The following SLC24A1 variants were observed in gnomAD, a reference collection of about 807,000 sequenced individuals.
SLC24A1 encodes the protein sodium/potassium/calcium exchanger 1.
SLC24A1 carries 52 observed loss-of-function variants against 88.1 expected under a neutral mutation model. That is an observed-to-expected ratio of 0.59 (90% CI 0.47 to 0.74). The LOEUF is 0.74. SLC24A1 is among the 30% of genes least tolerant of loss of function. The pLI is 0.00. For missense variants in SLC24A1, 1,173 were observed against 1,363.3 expected, an observed-to-expected ratio of 0.86 and a Z score of 2.20; for synonymous variants, 455 against 498.0, an observed-to-expected ratio of 0.91 and a Z score of 1.15.
chr15:65,660,222 T>G (rs141094852), downstream of SLC24A1: 154 of 1,371,526 alleles, frequency 1.1e-4, no homozygotes, highest in African/African-American at 2.1e-3. Context: ...AGTAAGCAAG[T>G]TCAGCCCCAA....
At position 65,650,563 on chromosome 15, in the gene SLC24A1, A is replaced by G; in HGVS notation, c.2414A>G (p.Asp805Gly). Reference protein sequence around the residue: ...EDENEAEGKGDNEGEDEGEIH... With the variant: ...EDENEAEGKGGNEGEDEGEIH... ...GAAAATGAAGCAGAAGGAAAAGGAG[A>G]CAATGAAGGTGAAGATGAGGGTGAA... The change falls in exon 7 of 10, where the codon GAC becomes GGC. Residue 805 changes from aspartate to glycine, a missense_variant. Coordinates refer to ENST00000261892, the MANE Select transcript of SLC24A1 (RefSeq NM_004727.3). This position sits in a 1 kb window ranked among gnomAD's most constrained non-coding sequence, Gnocchi z 4.1. 1 of 1,551,914 alleles carries G rather than the reference A, an allele frequency of 6.4e-7. No homozygotes were observed. Among genetic ancestry groups the G allele is most frequent in the Non-Finnish European group, 8.7e-7 (1 of 1,147,020 alleles).
intron 2 of SLC24A1, among the ~76,000 whole-genome samples, chr15:65,635,886 C>T: frequency 6.6e-6 from 1 of 152,164 alleles, no homozygotes; most frequent in East Asian, 1.9e-4. Context: ...GAATCCATGT[C>T]CTAAGCATCT....
chr15:65,622,112 A>G lies in SLC24A1; in HGVS notation c.-127+20A>G, dbSNP rs902845041. 6.6e-6 allele frequency: 1 copy of G among 152,244 alleles called. No individual in the cohort carries two copies. The highest frequency in any genetic ancestry group is 2.4e-5 in the African/African-American group (1 of 41,448). 9.4% of individuals were successfully genotyped at this position (152,244 alleles called of 1,614,324 possible). ...CTGAAGGTAAATGATGTAATTAGGT[A>G]GGAGGGATCAGCTGGGGTGCCAGTT... On this transcript the variant is annotated intron_variant, in intron 1 of 9. Transcript: ENST00000261892.
intron 1 of SLC24A1, chr15:65,612,293 G>C (rs989653277): frequency 7.9e-5 from 12 of 152,314 alleles, no homozygotes; most frequent in Admixed American, 7.9e-4. Context: ...GTTACAAAGT[G>C]AGTACAGAAA....
chr15:65,647,508 C>T (rs62014374), intron 6 of SLC24A1, among the ~76,000 whole-genome samples: 2 of 145,156 alleles, frequency 1.4e-5, no homozygotes, highest in African/African-American at 5.1e-5. Flanking sequence ...AAGAGAGAGA[C>T]AGAGAGAGAA....
chr15:65,628,903 C>G (rs902986308), intron 2 of SLC24A1, among the ~76,000 whole-genome samples: 1 of 152,184 alleles, frequency 6.6e-6, no homozygotes, highest in East Asian at 1.9e-4. Context: ...TCAAACAGGA[C>G]TTAGGTTGCT....
Position 65,635,476 on chromosome 15 carries a change from A to AG in SLC24A1, c.1891-2652_1891-2651insG, listed in dbSNP as rs1184471183. ...AAAAAAAAAAAAAAAAAAAAGAAAA[A>AG]AAAAGAAAGAACTCTTTGGGTGAGG... is the stretch of plus-strand genomic sequence containing the variant. On this transcript the variant is annotated intron_variant, in intron 2 of 9. Transcript: ENST00000261892. Among the ~76,000 whole-genome samples, 486 of 148,778 alleles carry AG rather than the reference A, an allele frequency of 3.3e-3. 3 individuals are homozygous for AG. The highest frequency in any genetic ancestry group is 3.8e-3 in the South Asian group (18 of 4,692).
chr15:65,639,868 G>T (rs1229203718), intron 4 of SLC24A1, among the ~76,000 whole-genome samples, 165 bp downstream of exon 4: 1 of 152,200 alleles, frequency 6.6e-6, no homozygotes, highest in Non-Finnish European at 1.5e-5. Context: ...GGGAAAGAGG[G>T]TAGAGACCAA....
Position 65,639,600 on chromosome 15 carries a change from G to A in SLC24A1, c.1950G>A (p.Pro650=), listed in dbSNP as rs200294071. Residue 650 remains proline, a synonymous_variant, in exon 4 of 10, where the codon CCG becomes CCA. Coordinates refer to ENST00000261892, the MANE Select transcript of SLC24A1 (RefSeq NM_004727.3). ...ELQDNKKLKL[P]SLLTRGSSST... is the part of the protein sequence containing the mutation. The stretch of plus-strand genomic sequence containing the variant: ...GCGGCTCTCCTCTTGCTCAGCTCCC[G>A]TCCTTGCTGACCCGAGGGAGCAGCT... 60 of 1,606,660 alleles carry A rather than the reference G, an allele frequency of 3.7e-5. No individual in the cohort carries two copies. The highest frequency in any genetic ancestry group is 1.4e-4 in the Admixed American group (8 of 59,130).
At chr15:65,621,758 C>T (rs1270678097), upstream of SLC24A1, among the ~76,000 whole-genome samples, 1 of 152,222 alleles carries the variant, frequency 6.6e-6, no homozygotes, top group Admixed American at 6.5e-5. Flanking sequence ...GAAATCTCCC[C>T]AGTTCCTCCA....
intron 4 of SLC24A1, among the ~76,000 whole-genome samples, chr15:65,640,697 G>C (rs868572590): frequency 6.6e-6 from 1 of 152,092 alleles, no homozygotes; most frequent in Non-Finnish European, 1.5e-5. Flanking sequence ...ACAAATTTTC[G>C]GGGCTCAGAA....
intron 2 of SLC24A1, among the ~76,000 whole-genome samples, chr15:65,636,210 T>C (rs763818546): frequency 2.0e-5 from 3 of 152,146 alleles, no homozygotes; most frequent in Non-Finnish European, 4.4e-5. Context: ...ATCCCATCAC[T>C]TTGTGGAGGT....
At chr15:65,626,377 G>T (rs1171236163) in intron 2 of SLC24A1, among the ~76,000 whole-genome samples, 1 of 152,176 alleles carries the variant, frequency 6.6e-6, no homozygotes, top group Non-Finnish European at 1.5e-5. Flanking sequence ...GCCAGGCGAG[G>T]AAAAATGATC....
chr15:65,621,968 A>G lies in SLC24A1; in HGVS notation c.-251A>G, dbSNP rs944152099. ...CGACCCTGCCTTGAATTAGGATTCCATAGGAGAGCTGGGGGCAGGAGAATG... is the reference window on the plus strand; with the variant it reads ...CGACCCTGCCTTGAATTAGGATTCCGTAGGAGAGCTGGGGGCAGGAGAATG... On this transcript the variant is annotated 5_prime_UTR_variant, in exon 1 of 10. Transcript: ENST00000261892. The G allele has an allele frequency of 2.0e-5, 3 of 152,260 alleles. No individual in the cohort carries two copies. The highest frequency in any genetic ancestry group is 2.0e-4 in the Admixed American group (3 of 15,278). 9.4% of individuals were successfully genotyped at this position (152,260 alleles called of 1,614,324 possible).
At chr15:65,656,537 G>C (rs978327430), downstream of SLC24A1, among the ~76,000 whole-genome samples, 1 of 152,162 alleles carries the variant, frequency 6.6e-6, no homozygotes, top group Non-Finnish European at 1.5e-5. Flanking sequence ...CTGTTTTAGA[G>C]GTAAAGTACC....
In SLC24A1 at chr15:65,625,751, C is replaced by T. The variant is rs751724953; in HGVS notation, c.1671C>T (p.Pro557=). 3.1e-6 allele frequency: 5 copies of T among 1,614,074 alleles called. No individual in the cohort carries two copies. The South Asian group carries it at 5.5e-5, about 18-fold the overall frequency. The change falls in exon 2 of 10, where the codon CCC becomes CCT. Residue 557 remains proline, a synonymous_variant. Transcript: ENST00000261892. ...AGATCCTCAACCTCACCTGGTGGCC[C>T]TTATTCCGTGATGTCTCCTTCTACA... ...SREILNLTWW[P]LFRDVSFYIL...
In SLC24A1 at chr15:65,650,560, G is replaced by A. The variant is rs1323891069; in HGVS notation, c.2411G>A (p.Gly804Glu). ...CEDENEAEGK[G>E]DNEGEDEGEI... is the part of the protein sequence containing the mutation. Reference sequence around the variant, plus strand: ...GATGAAAATGAAGCAGAAGGAAAAGGAGACAATGAAGGTGAAGATGAGGGT... The same window carrying A: ...GATGAAAATGAAGCAGAAGGAAAAGAAGACAATGAAGGTGAAGATGAGGGT... Residue 804 changes from glycine to glutamate, a missense_variant, in exon 7 of 10, where the codon GGA becomes GAA. Gly to Glu is a moderately conservative substitution (Grantham distance 98). Coordinates refer to ENST00000261892, the MANE Select transcript of SLC24A1 (RefSeq NM_004727.3). The surrounding 1 kb of genome is among the most constrained non-coding windows in gnomAD (Gnocchi z 4.1). 3.2e-6 allele frequency: 5 copies of A among 1,551,792 alleles called. No homozygotes were observed. The African/African-American group carries it at 4.1e-5, about 13-fold the overall frequency.
chr15:65,614,592 A>G (rs2074075752), intron 2 of SLC24A1, among the ~76,000 whole-genome samples: 1 of 152,224 alleles, frequency 6.6e-6, no homozygotes, highest in African/African-American at 2.4e-5. Context: ...ATTGCTCTCA[A>G]TCCTCTTTCA....
At chr15:65,631,087 G>T (rs984662209) in intron 2 of SLC24A1, among the ~76,000 whole-genome samples, 1 of 152,054 alleles carries the variant, frequency 6.6e-6, no homozygotes, top group African/African-American at 2.4e-5. Flanking sequence ...AATATTAACA[G>T]AAAAACTCAA....
Sources: gnomAD v4.1 joint callset for allele counts (sites outside exome capture counted in the v4.1 genomes callset) on GRCh38, gnomAD v4.1.1 for gene constraint, Gnocchi (gnomAD v3.1) non-coding constraint, MANE v1.5 for transcripts, NCBI Gene and HGNC (gene_info 2026-07-23, HGNC 2026-07-21) for gene names.